Variants in AIG1 observed in about 807,000 individuals in gnomAD.
The protein encoded by AIG1 is androgen-induced gene 1 protein.
A neutral mutation model predicts 31.4 loss-of-function variants in AIG1; 23 were observed. That is an observed-to-expected ratio of 0.73 (90% CI 0.53 to 1.04). The LOEUF is 1.04. AIG1 is among the 50% of genes least tolerant of loss of function. The pLI is 0.00. For synonymous variants in AIG1, 100 were observed against 110.5 expected, an observed-to-expected ratio of 0.90 and a Z score of 0.60; for missense variants, 274 against 295.0, an observed-to-expected ratio of 0.93 and a Z score of 0.52.
At chr6:143,153,485 C>A (rs368031701) in intron 2 of AIG1, among the ~76,000 whole-genome samples, 3 of 152,038 alleles carry the variant, frequency 2.0e-5, no homozygotes, top group African/African-American at 7.2e-5. Context: ...GTAGCTGGGA[C>A]TACAGGTGCC....
chr6:143,124,351 G>A (rs1367749454), intron 1 of AIG1, among the ~76,000 whole-genome samples: 1 of 152,214 alleles, frequency 6.6e-6, no homozygotes, highest in Admixed American at 6.5e-5. Flanking sequence ...CCACAGGCAA[G>A]GGAATGTGCA....
intron 4 of AIG1, among the ~76,000 whole-genome samples, chr6:143,294,969 A>G (rs1798320580): frequency 6.6e-6 from 1 of 151,950 alleles, no homozygotes; most frequent in African/African-American, 2.4e-5. Flanking sequence ...CAATGCCTCC[A>G]TTTCGGAACT....
chr6:143,145,051 G>T (rs111627415), intron 2 of AIG1, among the ~76,000 whole-genome samples: 1 of 152,114 alleles, frequency 6.6e-6, no homozygotes, highest in Non-Finnish European at 1.5e-5. Flanking sequence ...TTGAGATAGG[G>T]TCTCACTGTG....
rs1279522344 is a variant in AIG1 at position 143,154,073 on chromosome 6, A to G, written c.298-11009A>G. Among the ~76,000 whole-genome samples, 4 of 151,920 alleles carry G rather than the reference A, an allele frequency of 2.6e-5. No individual in the cohort carries two copies. In the South Asian group the frequency reaches 6.2e-4, roughly 24 times the overall value. Reference sequence around the variant, plus strand: ...CGTGACCAGACTGGAAACAAAGTGAAACTCTGTCTCTACTCCCCTCGCAAA... The same window carrying G: ...CGTGACCAGACTGGAAACAAAGTGAGACTCTGTCTCTACTCCCCTCGCAAA... On this transcript the variant is annotated intron_variant, in intron 2 of 5. Coordinates refer to ENST00000357847, the MANE Select transcript of AIG1 (RefSeq NM_016108.4).
At chr6:143,172,324 A>T (rs1335913596) in intron 3 of AIG1, among the ~76,000 whole-genome samples, 1 of 152,298 alleles carries the variant, frequency 6.6e-6, no homozygotes, top group African/African-American at 2.4e-5. Flanking sequence ...TGAGATGATC[A>T]TGTAATTATT....
At chr6:143,084,616 G>C (rs1049568481) in intron 1 of AIG1, among the ~76,000 whole-genome samples, 1 of 152,174 alleles carries the variant, frequency 6.6e-6, no homozygotes, top group Admixed American at 6.5e-5. Flanking sequence ...AATGTCTGCA[G>C]CTGACTGAGT....
intron 1 of AIG1, among the ~76,000 whole-genome samples, chr6:143,082,355 A>G (rs1778339703): frequency 6.6e-6 from 1 of 152,170 alleles, no homozygotes; most frequent in South Asian, 2.1e-4. Flanking sequence ...GGGAACCTCT[A>G]AAAGGTCCCC....
chr6:143,233,366 A>G (rs1476410536), intron 3 of AIG1, among the ~76,000 whole-genome samples: 1 of 152,182 alleles, frequency 6.6e-6, no homozygotes, highest in Non-Finnish European at 1.5e-5. Flanking sequence ...ATTAGAACCC[A>G]GGAAATTTGG....
At chr6:143,070,241 A>C (rs1777128510) in intron 1 of AIG1, among the ~76,000 whole-genome samples, 1 of 152,216 alleles carries the variant, frequency 6.6e-6, no homozygotes, top group African/African-American at 2.4e-5. Flanking sequence ...AATTTAATTG[A>C]ATCTATAAAA....
At chr6:143,342,222 C>G, downstream of AIG1, 1 of 673,902 alleles carries the variant, frequency 1.5e-6, no homozygotes, top group Non-Finnish European at 2.7e-6. Flanking sequence ...TGCGCCCGTC[C>G]TAAAATTTTC....
At chr6:143,290,346 C>T (rs1008620632) in intron 4 of AIG1, among the ~76,000 whole-genome samples, 8 of 152,192 alleles carry the variant, frequency 5.3e-5, no homozygotes, top group South Asian at 2.1e-4. Context: ...TATGTGTTGG[C>T]GTGCTTCCGG....
intron 3 of AIG1, among the ~76,000 whole-genome samples, chr6:143,208,582 G>A (rs1791315828): frequency 6.6e-6 from 1 of 152,154 alleles, no homozygotes; most frequent in Non-Finnish European, 1.5e-5. Context: ...AATTTAGTGA[G>A]GAGGAAGAAT....
intron 1 of AIG1, among the ~76,000 whole-genome samples, chr6:143,098,838 G>A (rs941036834): frequency 1.3e-5 from 2 of 152,010 alleles, no homozygotes; most frequent in African/African-American, 2.4e-5. Context: ...TTTCCCATGG[G>A]TATCTCATTT....
At chr6:143,066,636 G>T (rs567839383) in intron 1 of AIG1, among the ~76,000 whole-genome samples, 1 of 152,118 alleles carries the variant, frequency 6.6e-6, no homozygotes, top group Admixed American at 6.6e-5. Context: ...ACAAAAAAAT[G>T]TAAGAAATTA....
intron 1 of AIG1, among the ~76,000 whole-genome samples, chr6:143,077,734 A>C (rs1466153057): frequency 6.6e-6 from 1 of 152,178 alleles, no homozygotes; most frequent in Non-Finnish European, 1.5e-5. Context: ...TCTTTCACTC[A>C]GTTTGAGAAG....
Position 143,240,691 on chromosome 6 carries a change from A to T in AIG1, c.400-43419A>T, listed in dbSNP as rs543111528. 3.3e-5 allele frequency among the ~76,000 whole-genome samples: 5 copies of T among 152,364 alleles called. No homozygotes were observed. The South Asian group carries it at 1.0e-3, about 32-fold the overall frequency. On this transcript the variant is annotated intron_variant, in intron 3 of 5. Transcript: ENST00000357847. The stretch of plus-strand genomic sequence containing the variant: ...AAAAATTTCCAATCTGTCATGAACC[A>T]AAATCTGTACCAAATATAATAAAAA...
chr6:143,166,393 A>C (rs1475106831), intron 3 of AIG1, among the ~76,000 whole-genome samples: 1 of 152,152 alleles, frequency 6.6e-6, no homozygotes, highest in Admixed American at 6.6e-5. Context: ...TCGTAACTCC[A>C]TGGCTTTGCA....
intron 3 of AIG1, among the ~76,000 whole-genome samples, chr6:143,265,630 C>A (rs1796101735): frequency 6.6e-6 from 1 of 152,176 alleles, no homozygotes; most frequent in Non-Finnish European, 1.5e-5. Flanking sequence ...GTGCTAAAGC[C>A]TTTTTCCTCT....
At chr6:143,096,931 G>T (rs540731906) in intron 1 of AIG1, among the ~76,000 whole-genome samples, 1 of 151,322 alleles carries the variant, frequency 6.6e-6, no homozygotes, top group East Asian at 2.1e-4. Flanking sequence ...ATTTTAAAAT[G>T]ATTTTTTCCA....
Sources: gnomAD v4.1 joint callset for allele counts (sites outside exome capture counted in the v4.1 genomes callset) on GRCh38, gnomAD v4.1.1 for gene constraint, MANE v1.5 for transcripts, NCBI Gene and HGNC (gene_info 2026-07-23, HGNC 2026-07-21) for gene names.